Variants in CALD1 observed in about 807,000 individuals in gnomAD.
CALD1 encodes the protein caldesmon 1.
In CALD1, 33 loss-of-function variants were observed where a neutral mutation model predicts 99.9. That is an observed-to-expected ratio of 0.33 (90% CI 0.25 to 0.44). The LOEUF is 0.44. CALD1 is among the 20% of genes least tolerant of loss of function. The pLI is 1.00. For synonymous variants in CALD1, 310 were observed against 325.0 expected (o/e 0.95, Z 0.50); for missense variants, 861 against 962.1 (o/e 0.89, Z 1.39).
At chr7:134,858,998 G>A (rs186387226) in intron 2 of CALD1, among the ~76,000 whole-genome samples, 1 of 152,330 alleles carries the variant, frequency 6.6e-6, no homozygotes, top group Non-Finnish European at 1.5e-5. Flanking sequence ...TGGGACTGGT[G>A]AAGCTGAGGA....
chr7:134,926,506 G>A (rs1346865952), intron 3 of CALD1, among the ~76,000 whole-genome samples: 1 of 152,142 alleles, frequency 6.6e-6, no homozygotes, highest in East Asian at 1.9e-4. Flanking sequence ...TATGAAGTCA[G>A]ATTTTCTCAA....
At chr7:134,889,505 C>T (rs568780929) in intron 3 of CALD1, among the ~76,000 whole-genome samples, 14 of 152,316 alleles carry the variant, frequency 9.2e-5, no homozygotes, top group Admixed American at 8.5e-4. Flanking sequence ...CCTTTTGCCA[C>T]GCAAATTAAC....
chr7:134,934,748 G>A (rs1450789575), intron 5 of CALD1, among the ~76,000 whole-genome samples: 1 of 152,052 alleles, frequency 6.6e-6, no homozygotes, highest in Non-Finnish European at 1.5e-5. Flanking sequence ...GGGTGTACCG[G>A]CACATGTCTG....
At chr7:134,792,166 T>A (rs997372469) in intron 1 of CALD1, among the ~76,000 whole-genome samples, 1 of 152,196 alleles carries the variant, frequency 6.6e-6, no homozygotes, top group Non-Finnish European at 1.5e-5. Context: ...CAGGGTTGGT[T>A]CCTTCAAGGG....
At chr7:134,736,863 A>T in the CALD1 span, among the ~76,000 whole-genome samples, 72 of 152,266 alleles carry the variant, frequency 4.7e-4, 1 homozygote, top group South Asian at 4.8e-3. Context: ...TTTAGACTTC[A>T]TTAAAGTTTC....
the CALD1 span, among the ~76,000 whole-genome samples, chr7:134,714,879 A>C: frequency 3.3e-5 from 5 of 152,138 alleles, no homozygotes; most frequent in Admixed American, 2.6e-4. Context: ...AGCTAGGGCA[A>C]GTACAGGTTG....
intron 3 of CALD1, among the ~76,000 whole-genome samples, chr7:134,911,390 C>A (rs1265034689): frequency 6.6e-6 from 1 of 152,034 alleles, no homozygotes; most frequent in Admixed American, 6.6e-5. Flanking sequence ...TGTATGTGTG[C>A]TCTGTGTGTG....
chr7:134,870,236 C>G (rs1801004053), intron 3 of CALD1, among the ~76,000 whole-genome samples: 1 of 152,116 alleles, frequency 6.6e-6, no homozygotes, highest in South Asian at 2.1e-4. Context: ...AGGGGCAGAC[C>G]TGATAGAGTT....
intron 14 of CALD1, among the ~76,000 whole-genome samples, chr7:134,967,188 T>TG (rs1808738603): frequency 6.6e-6 from 1 of 152,172 alleles, no homozygotes; most frequent in Non-Finnish European, 1.5e-5. Context: ...CAAACATGAA[T>TG]GGTACTCCCT....
the CALD1 span, among the ~76,000 whole-genome samples, chr7:134,720,466 A>G: frequency 6.6e-6 from 1 of 152,196 alleles, no homozygotes. Flanking sequence ...ACTTCTTTAT[A>G]AAATAAACAT....
At chr7:134,745,657 A>T (rs186456534) in intron 1 of CALD1, 1 of 152,262 alleles carries the variant, frequency 6.6e-6, no homozygotes, top group Admixed American at 6.5e-5. Context: ...CTCTCACCTC[A>T]TGGACCTATC....
chr7:134,844,803 G>A (rs1201123409), intron 2 of CALD1, among the ~76,000 whole-genome samples: 4 of 152,070 alleles, frequency 2.6e-5, no homozygotes, highest in East Asian at 1.9e-4. Context: ...TCCTCTCTCC[G>A]GGCACACACC....
intron 1 of CALD1, among the ~76,000 whole-genome samples, chr7:134,824,070 T>C (rs1202944872): frequency 1.3e-5 from 2 of 152,210 alleles, no homozygotes; most frequent in East Asian, 1.9e-4. Flanking sequence ...AGCTTACTAA[T>C]GAGATTTTTG....
At chr7:134,920,801 A>G in intron 3 of CALD1, 1 of 672,048 alleles carries the variant, frequency 1.5e-6, no homozygotes, top group South Asian at 1.5e-5. Flanking sequence ...ATCTGTTGGA[A>G]TTTTAGGTGC....
intron 3 of CALD1, among the ~76,000 whole-genome samples, chr7:134,911,041 T>G (rs955620591): frequency 1.3e-5 from 2 of 152,132 alleles, no homozygotes; most frequent in African/African-American, 4.8e-5. Flanking sequence ...TTGAAAGAAG[T>G]GCAAAGTGTT....
chr7:134,828,402 G>T (rs1799089104), intron 1 of CALD1, among the ~76,000 whole-genome samples: 1 of 152,208 alleles, frequency 6.6e-6, no homozygotes, highest in Admixed American at 6.5e-5. Flanking sequence ...GACTTGGAGA[G>T]ATTTGGGTAT....
rs1241413297 is a variant in CALD1 at position 134,779,634 on chromosome 7, A to G, written c.-245A>G. 1 of 398,782 alleles carries G rather than the reference A, an allele frequency of 2.5e-6. No homozygotes were observed. Among genetic ancestry groups the G allele is most frequent in the Non-Finnish European group, 4.4e-6 (1 of 226,226 alleles). The allele number at this position is 398,782 out of a possible 1,614,324, so 24.7% of individuals were successfully genotyped here. A position where few individuals can be genotyped will look rare whatever the true frequency, so the allele number is the denominator to read the frequency against. On this transcript the variant is annotated 5_prime_UTR_variant, in exon 1 of 15. Transcript: ENST00000361675. Reference sequence around the variant, plus strand: ...GGTCTGGAGTTTTATTGAATAGAGCAGTGTGTATTCGGCTGCCTGCCTGCC... The same window carrying G: ...GGTCTGGAGTTTTATTGAATAGAGCGGTGTGTATTCGGCTGCCTGCCTGCC...
intron 1 of CALD1, among the ~76,000 whole-genome samples, chr7:134,784,497 A>G (rs1797230818): frequency 6.6e-6 from 1 of 152,228 alleles, no homozygotes; most frequent in Non-Finnish European, 1.5e-5. Flanking sequence ...AAAATGGGCT[A>G]AGTTGTGCAT....
rs148437391 is a variant in CALD1 at position 134,759,069 on chromosome 7, C to G, written c.-130+14706C>G. 1.6e-4 allele frequency among the ~76,000 whole-genome samples: 25 copies of G among 152,292 alleles called. No individual in the cohort carries two copies. The East Asian group carries it at 4.8e-3, about 29-fold the overall frequency. ...TCTGTGGATCTTTCTAGTTAGTGTA[C>G]TGTGACCCCATATAGACTTCAGCCC... On this transcript the variant is annotated intron_variant, in intron 1 of 13. Coordinates refer to the CALD1 transcript ENST00000417172.
Sources: gnomAD v4.1 joint callset for allele counts (sites outside exome capture counted in the v4.1 genomes callset) on GRCh38, gnomAD v4.1.1 for gene constraint, MANE v1.5 for transcripts, NCBI Gene and HGNC (gene_info 2026-07-23, HGNC 2026-07-21) for gene names.